The following SCN2A variants were observed in gnomAD, a reference collection of about 807,000 sequenced individuals.
SCN2A encodes sodium channel protein type 2 subunit alpha.
In SCN2A, 20 loss-of-function variants were observed where a neutral mutation model predicts 188.7. That is an observed-to-expected ratio of 0.11 (90% CI 0.07 to 0.15). The LOEUF (loss-of-function observed/expected upper bound fraction) is 0.15, where lower values mean the gene tolerates loss of function less well. SCN2A is among the 10% of genes least tolerant of loss of function. SCN2A has a pLI of 1.00. For missense variants in SCN2A, 1,278 were observed against 2,445.0 expected (o/e 0.52, Z 10.07); for synonymous variants, 804 against 833.1 (o/e 0.97, Z 0.60).
At chr2:165,352,503 A>G (rs1699976889) in intron 16 of SCN2A, among the ~76,000 whole-genome samples, 1 of 152,178 alleles carries the variant, frequency 6.6e-6, no homozygotes, top group South Asian at 2.1e-4. Context: ...TTGAAGTTTT[A>G]CTTAAAAATT....
chr2:165,255,542 TG>T (rs1183850184), intron 1 of SCN2A, among the ~76,000 whole-genome samples: 2 of 152,144 alleles, frequency 1.3e-5, no homozygotes, highest in East Asian at 3.8e-4. Flanking sequence ...TATTAAAATA[TG>T]GCTCTATGGT....
intron 7 of SCN2A, 146 bp downstream of exon 7, chr2:165,310,741 T>C: frequency 2.0e-6 from 1 of 508,890 alleles, no homozygotes; most frequent in Non-Finnish European, 3.2e-6. Context: ...AGATATCAAA[T>C]GATACCTTAT....
At chr2:165,308,008 T>G in intron 4 of SCN2A, 71 bp downstream of exon 4, 1 of 986,728 alleles carries the variant, frequency 1.0e-6, no homozygotes, top group East Asian at 2.4e-5. Flanking sequence ...CCTTGAGACC[T>G]CCTCAATTTC....
intron 1 of SCN2A, among the ~76,000 whole-genome samples, chr2:165,275,233 C>G (rs1057069252): frequency 1.3e-5 from 2 of 152,214 alleles, no homozygotes; most frequent in Non-Finnish European, 2.9e-5. Flanking sequence ...TAGGGAGGCT[C>G]ATGACTTGGC....
chr2:165,325,726 T>C lies in SCN2A; in HGVS notation c.2017-1126T>C, dbSNP rs540432471. Among the ~76,000 whole-genome samples the C allele has an allele frequency of 2.0e-5, 3 of 152,288 alleles. No individual in the cohort carries two copies. In the South Asian group the frequency reaches 6.2e-4, roughly 32 times the overall value. On this transcript the variant is annotated intron_variant, in intron 12 of 26. Coordinates refer to ENST00000375437, the MANE Select transcript of SCN2A (RefSeq NM_001040142.2). The stretch of plus-strand genomic sequence containing the variant: ...ATTAAAAGACTTTTATTTTTAGAGA[T>C]AGGTTATTTCTTTTCTTACTAATTT...
At chr2:165,265,469 A>ATCTCTCTCTCTCTCTCTCTCTC (rs754966737) in intron 1 of SCN2A, among the ~76,000 whole-genome samples, 3 of 65,282 alleles carry the variant, frequency 4.6e-5, no homozygotes, top group African/African-American at 1.3e-4. Context: ...TACTCTGTTG[A>ATCTCTCTCTCTCTCTCTCTCTC]TCTATATATA....
chr2:165,277,566 C>T (rs188590453), intron 1 of SCN2A, among the ~76,000 whole-genome samples: 1 of 152,222 alleles, frequency 6.6e-6, no homozygotes, highest in Admixed American at 6.5e-5. Flanking sequence ...GATTGGTTAG[C>T]CTTAAGTTTC....
chr2:165,332,534 C>G (rs1698747244), intron 14 of SCN2A, among the ~76,000 whole-genome samples: 1 of 151,890 alleles, frequency 6.6e-6, no homozygotes, highest in South Asian at 2.1e-4. Context: ...GAGAAATTAA[C>G]AGAGAAATGG....
intron 16 of SCN2A, among the ~76,000 whole-genome samples, chr2:165,350,843 CAAAG>C (rs1343070868): frequency 2.0e-5 from 3 of 152,052 alleles, no homozygotes; most frequent in Admixed American, 1.3e-4. Context: ...CCTTCGGTAA[CAAAG>C]GAAGTCCAGA....
chr2:165,328,371 C>G, intron 13 of SCN2A: 1 of 412,880 alleles, frequency 2.4e-6, no homozygotes. Flanking sequence ...TTCCCCCCAG[C>G]TGCCAGTAGC....
chr2:165,366,412 G>T (rs1023503839), intron 18 of SCN2A, among the ~76,000 whole-genome samples: 1 of 152,140 alleles, frequency 6.6e-6, no homozygotes, highest in Non-Finnish European at 1.5e-5. Flanking sequence ...ATAATGGCCA[G>T]ATTTAAAGCA....
Position 165,381,143 on chromosome 2 carries a change from T to G in SCN2A, c.4497T>G (p.Asn1499Lys). The G allele has an allele frequency of 1.0e-5, 16 of 1,593,278 alleles. No homozygotes were observed. The highest frequency in any genetic ancestry group is 1.3e-5 in the Non-Finnish European group (15 of 1,168,690). Reference protein sequence around the residue: ...FMTEEQKKYYNAMKKLGSKKP... With the variant: ...FMTEEQKKYYKAMKKLGSKKP... ...CAGAAGAACAGAAGAAATACTACAA[T>G]GCAATGAAAAAACTGGGTTCAAAGA... is the stretch of plus-strand genomic sequence containing the variant. The change falls in exon 25 of 27, where the codon AAT becomes AAG. Residue 1499 changes from asparagine (N) to lysine (K), a missense_variant. Transcript: ENST00000375437.
chr2:165,330,131 C>G (rs1277268887), intron 13 of SCN2A, among the ~76,000 whole-genome samples: 1 of 152,084 alleles, frequency 6.6e-6, no homozygotes, highest in East Asian at 1.9e-4. Context: ...GCAAACTGTG[C>G]CAGATATGGA....
At chr2:165,373,091 T>C in intron 20 of SCN2A, 134 bp from the exon 21 acceptor site, 2 of 977,006 alleles carry the variant, frequency 2.0e-6, no homozygotes, top group East Asian at 2.6e-5. Context: ...CTATTGGTGT[T>C]TTTAACAAGA....
At chr2:165,367,504 C>G in intron 19 of SCN2A, 133 bp downstream of exon 19, 2 of 1,069,308 alleles carry the variant, frequency 1.9e-6, no homozygotes, top group Non-Finnish European at 2.8e-6. Context: ...ACGTGTTTAG[C>G]ACATATGAGA....
intron 18 of SCN2A, 113 bp from the exon 19 acceptor site, chr2:165,367,104 A>G: frequency 1.0e-6 from 1 of 1,002,638 alleles, no homozygotes; most frequent in South Asian, 1.5e-5. Context: ...CTTAAAAATT[A>G]ATGTTATTTA....
intron 1 of SCN2A, among the ~76,000 whole-genome samples, chr2:165,261,780 G>T (rs1307655798): frequency 6.6e-6 from 1 of 151,876 alleles, no homozygotes; most frequent in Non-Finnish European, 1.5e-5. Context: ...GTTTTAGATG[G>T]TTAAAAAAAA....
chr2:165,271,606 G>C (rs973644562), intron 1 of SCN2A: 14 of 152,084 alleles, frequency 9.2e-5, no homozygotes, highest in Admixed American at 8.5e-4. Context: ...ATAAAATACA[G>C]ATATTTTTAA....
At chr2:165,378,405 A>G (rs116093037) in intron 23 of SCN2A, among the ~76,000 whole-genome samples, 4,347 of 151,542 alleles carry the variant, frequency 0.029, 119 homozygotes, top group Middle Eastern at 0.071. Flanking sequence ...TTGTATCTCT[A>G]TAAGTGCTAT....
Sources: gnomAD v4.1 joint callset for allele counts (sites outside exome capture counted in the v4.1 genomes callset) on GRCh38, gnomAD v4.1.1 for gene constraint, MANE v1.5 for transcripts, NCBI Gene and HGNC (gene_info 2026-07-23, HGNC 2026-07-21) for gene names.